CCDC85A: variants seen among roughly 807,000 people sequenced by gnomAD.
The protein encoded by CCDC85A is coiled-coil domain-containing protein 85A.
Under a neutral mutation model 50.2 loss-of-function variants are expected in CCDC85A, and 38 were observed. The ratio of observed to expected loss-of-function variants is 0.76; its 90% CI spans 0.58 to 0.99. The LOEUF is 0.99. CCDC85A is among the 50% of genes least tolerant of loss of function. The probability of loss-of-function intolerance (pLI) is 0.00; values close to 1 mark genes in which losing one functional copy is unlikely to be tolerated. For missense variants in CCDC85A, 820 were observed against 742.0 expected (o/e 1.11, Z -1.22); for synonymous variants, 366 against 301.4 (o/e 1.21, Z -2.22).
intron 2 of CCDC85A, among the ~76,000 whole-genome samples, chr2:56,202,450 G>T (rs1676784885): frequency 6.6e-6 from 1 of 152,188 alleles, no homozygotes; most frequent in Admixed American, 6.5e-5. Context: ...AAGATGGTCT[G>T]ACCTTAGTCT....
intron 2 of CCDC85A, among the ~76,000 whole-genome samples, chr2:56,303,361 G>C (rs1165620901): frequency 6.6e-6 from 1 of 152,048 alleles, no homozygotes; most frequent in Non-Finnish European, 1.5e-5. Flanking sequence ...AGAACCCAGG[G>C]GGCATCAGTT....
At chr2:56,207,649 C>T (rs963596624) in intron 2 of CCDC85A, among the ~76,000 whole-genome samples, 2 of 152,126 alleles carry the variant, frequency 1.3e-5, no homozygotes, top group Non-Finnish European at 2.9e-5. Flanking sequence ...GAGACAGATA[C>T]GTAAATTGGT....
chr2:56,259,298 A>G (rs1573118045), intron 2 of CCDC85A, among the ~76,000 whole-genome samples: 1 of 152,220 alleles, frequency 6.6e-6, no homozygotes, highest in South Asian at 2.1e-4. Context: ...AGGCTGGCCT[A>G]TTGGAAGTAA....
chr2:56,196,974 A>G (rs1676550626), intron 2 of CCDC85A, among the ~76,000 whole-genome samples: 1 of 152,006 alleles, frequency 6.6e-6, no homozygotes, highest in African/African-American at 2.4e-5. Context: ...GAGCAGTAAC[A>G]TTGTGCTCTC....
At chr2:56,215,549 G>T (rs979334691) in intron 2 of CCDC85A, among the ~76,000 whole-genome samples, 1 of 149,124 alleles carries the variant, frequency 6.7e-6, no homozygotes, top group Middle Eastern at 3.5e-3. Flanking sequence ...AGTTGAGGAA[G>T]TTCCCTTCTA....
chr2:56,341,413 G>A (rs568742640), intron 2 of CCDC85A, among the ~76,000 whole-genome samples: 1 of 152,104 alleles, frequency 6.6e-6, no homozygotes, highest in Non-Finnish European at 1.5e-5. Flanking sequence ...GGCTTGCGGG[G>A]AGCCCTCTCC....
At chr2:56,210,031 C>T (rs1270029899) in intron 2 of CCDC85A, among the ~76,000 whole-genome samples, 2 of 152,094 alleles carry the variant, frequency 1.3e-5, no homozygotes, top group African/African-American at 2.4e-5. Flanking sequence ...TCTCAGTCCT[C>T]ACTAGAGATG....
chr2:56,242,477 G>T (rs181194204), intron 2 of CCDC85A, among the ~76,000 whole-genome samples: 29 of 152,160 alleles, frequency 1.9e-4, no homozygotes, highest in African/African-American at 7.0e-4. Flanking sequence ...TGATGGGGGA[G>T]ATGCTCCACA....
intron 2 of CCDC85A, among the ~76,000 whole-genome samples, chr2:56,329,945 G>GTTTTTTTTTTTTT (rs535050957): frequency 2.3e-5 from 1 of 44,160 alleles, no homozygotes; most frequent in African/African-American, 7.2e-5. Context: ...CAGATTTCCT[G>GTTTTTTTTTTTTT]TTTTTTTTTT....
At chr2:56,245,258 G>C (rs2080606) in intron 2 of CCDC85A, among the ~76,000 whole-genome samples, 39,246 of 152,140 alleles carry the variant, frequency 0.26, 5,878 homozygotes, top group African/African-American at 0.39. Flanking sequence ...AGCTGGGATG[G>C]GTGATTCCCT....
intron 4 of CCDC85A, 141 bp downstream of exon 4, chr2:56,372,619 A>C: frequency 3.0e-6 from 3 of 996,900 alleles, no homozygotes; most frequent in Non-Finnish European, 4.1e-6. Context: ...CTGGGGAGGG[A>C]GGATGGGAGT....
At chr2:56,341,715 C>A (rs1219388697) in intron 2 of CCDC85A, among the ~76,000 whole-genome samples, 3 of 152,182 alleles carry the variant, frequency 2.0e-5, no homozygotes, top group African/African-American at 7.2e-5. Flanking sequence ...TGATTCTGAG[C>A]TTTCAGCTCA....
At chr2:56,341,271 T>C (rs1370498496) in intron 2 of CCDC85A, among the ~76,000 whole-genome samples, 1 of 152,182 alleles carries the variant, frequency 6.6e-6, no homozygotes, top group African/African-American at 2.4e-5. Context: ...GAGATCTTAC[T>C]GGGGAAGTGG....
chr2:56,319,611 C>T (rs545167554), intron 2 of CCDC85A, among the ~76,000 whole-genome samples: 1 of 152,196 alleles, frequency 6.6e-6, no homozygotes, highest in East Asian at 1.9e-4. Context: ...GCTGACACCA[C>T]AATGATGCTG....
intron 4 of CCDC85A, among the ~76,000 whole-genome samples, chr2:56,374,083 C>G (rs1676214565): frequency 6.6e-6 from 1 of 152,152 alleles, no homozygotes; most frequent in Admixed American, 6.5e-5. Context: ...GTTTTAATTT[C>G]CTTTCCCACA....
At chr2:56,295,890 C>T (rs747922306) in intron 2 of CCDC85A, among the ~76,000 whole-genome samples, 13 of 152,166 alleles carry the variant, frequency 8.5e-5, no homozygotes, top group African/African-American at 2.4e-4. Context: ...CCAGGTGCTG[C>T]GTGCCTGAGG....
intron 3 of CCDC85A, among the ~76,000 whole-genome samples, chr2:56,361,987 G>A (rs1675549784): frequency 6.6e-6 from 1 of 152,144 alleles, no homozygotes; most frequent in Non-Finnish European, 1.5e-5. Flanking sequence ...TGGAGATGGT[G>A]AGGAGGGGTT....
At chr2:56,227,281 C>A (rs1668582494) in intron 2 of CCDC85A, among the ~76,000 whole-genome samples, 2 of 152,164 alleles carry the variant, frequency 1.3e-5, no homozygotes, top group African/African-American at 4.8e-5. Context: ...TTCTATACAA[C>A]TGAGAATGTT....
intron 2 of CCDC85A, among the ~76,000 whole-genome samples, chr2:56,333,179 G>C (rs887071692): frequency 1.3e-5 from 2 of 152,172 alleles, no homozygotes; most frequent in African/African-American, 2.4e-5. Context: ...AATACAGCAG[G>C]ATAAAGCAGA....
Sources: gnomAD v4.1 joint callset for allele counts (sites outside exome capture counted in the v4.1 genomes callset) on GRCh38, gnomAD v4.1.1 for gene constraint, MANE v1.5 for transcripts, NCBI Gene and HGNC (gene_info 2026-07-23, HGNC 2026-07-21) for gene names.